Variants in AGBL1 observed in about 807,000 individuals in gnomAD.
The protein encoded by AGBL1 is AGBL carboxypeptidase 1, also known as cytosolic carboxypeptidase 4.
In AGBL1, 130 loss-of-function variants were observed where a neutral mutation model predicts 118.9. The observed-to-expected ratio is 1.09, with a 90% confidence interval of 0.95 to 1.26. The LOEUF (loss-of-function observed/expected upper bound fraction) is 1.26. AGBL1 is among the 50% of genes most tolerant of loss of function. AGBL1 has a pLI of 0.00. For synonymous variants in AGBL1, 555 were observed against 478.9 expected (o/e 1.16, Z -2.08); for missense variants, 1,584 against 1,298.1 (o/e 1.22, Z -3.38).
At chr15:86,614,755 A>G (rs2084699220) in intron 21 of AGBL1, among the ~76,000 whole-genome samples, 1 of 152,182 alleles carries the variant, frequency 6.6e-6, no homozygotes, top group South Asian at 2.1e-4. Flanking sequence ...TAAGTGCTCA[A>G]AAGATATTTT....
chr15:86,509,977 G>A lies in AGBL1; in HGVS notation c.2556-12833G>A, dbSNP rs956167192. ...TTTTTTTTTTCCTGATTTCTTCTGT[G>A]GCACTGAGTGCTATCCATTTTCTCC... On this transcript the variant is annotated intron_variant, in intron 18 of 22. Coordinates refer to ENST00000614907, the MANE Select transcript of AGBL1 (RefSeq NM_001386094.1). Among the ~76,000 whole-genome samples, 21 of 131,580 alleles carry A rather than the reference G, an allele frequency of 1.6e-4. 1 individual carries two copies. Among genetic ancestry groups the A allele is most frequent in the Admixed American group, 1.5e-3 (19 of 12,722 alleles). 86.3% of individuals were successfully genotyped at this position (131,580 alleles called of 152,430 possible). A position where few individuals can be genotyped will look rare whatever the true frequency, so the allele number is the denominator to read the frequency against.
At chr15:86,387,438 T>A (rs1353110021) in intron 17 of AGBL1, among the ~76,000 whole-genome samples, 1 of 152,130 alleles carries the variant, frequency 6.6e-6, no homozygotes, top group Non-Finnish European at 1.5e-5. Flanking sequence ...AGACTTAGGT[T>A]TTCGTTTTCA....
At chr15:86,933,162 A>G (rs2080625314) in intron 23 of AGBL1, among the ~76,000 whole-genome samples, 2 of 152,196 alleles carry the variant, frequency 1.3e-5, no homozygotes, top group Non-Finnish European at 2.9e-5. Context: ...AAGATTATGG[A>G]AGTGAGAGAA....
At chr15:86,261,164 A>C (rs966623347) in intron 9 of AGBL1, among the ~76,000 whole-genome samples, 1 of 152,224 alleles carries the variant, frequency 6.6e-6, no homozygotes, top group African/African-American at 2.4e-5. Flanking sequence ...GGAATGAATT[A>C]GGTTGCAGCT....
intron 17 of AGBL1, among the ~76,000 whole-genome samples, chr15:86,319,969 C>A (rs766030823): frequency 6.6e-6 from 1 of 151,858 alleles, no homozygotes; most frequent in Non-Finnish European, 1.5e-5. Context: ...ATTGGTCAGG[C>A]TGGTCTCAAA....
At chr15:86,086,207 C>T (rs528462978) in intron 1 of AGBL1, 4 of 152,216 alleles carry the variant, frequency 2.6e-5, no homozygotes, top group African/African-American at 9.6e-5. Flanking sequence ...CAGTTCCAGC[C>T]CTGGGAGATG....
chr15:86,871,932 C>A (rs765752394), intron 22 of AGBL1, among the ~76,000 whole-genome samples: 2 of 152,222 alleles, frequency 1.3e-5, no homozygotes, highest in Admixed American at 6.5e-5. Flanking sequence ...AATACAGTTA[C>A]ATTTAGAAAA....
At chr15:86,290,343 C>CTTTTTTTTT (rs559169172) in intron 16 of AGBL1, among the ~76,000 whole-genome samples, 123 of 134,244 alleles carry the variant, frequency 9.2e-4, no homozygotes, top group Non-Finnish European at 1.0e-3. Context: ...TCTTTTCTTT[C>CTTTTTTTTT]TTTTTTTTTT....
At chr15:86,966,914 A>G (rs938178422) in intron 23 of AGBL1, among the ~76,000 whole-genome samples, 3 of 152,052 alleles carry the variant, frequency 2.0e-5, no homozygotes, top group African/African-American at 7.2e-5. Flanking sequence ...GACTTCCACA[A>G]TGGTTGAACT....
chr15:86,987,780 A>G (rs11630354), intron 23 of AGBL1, among the ~76,000 whole-genome samples: 16,146 of 152,138 alleles, frequency 0.11, 1,004 homozygotes, highest in East Asian at 0.14. Context: ...CATATATTTT[A>G]CCATACATTA....
chr15:86,144,225 T>C (rs1198780988), intron 3 of AGBL1, among the ~76,000 whole-genome samples: 3 of 152,218 alleles, frequency 2.0e-5, no homozygotes, highest in Non-Finnish European at 2.9e-5. Flanking sequence ...GGTGGGAGTA[T>C]AAGTTAGTTC....
chr15:86,632,507 G>A (rs930148449), intron 21 of AGBL1, among the ~76,000 whole-genome samples: 2 of 152,080 alleles, frequency 1.3e-5, no homozygotes, highest in African/African-American at 2.4e-5. Flanking sequence ...GAGAAAGGAG[G>A]GGAGTTTTGT....
intron 22 of AGBL1, among the ~76,000 whole-genome samples, chr15:86,742,647 G>A (rs1365107807): frequency 1.3e-5 from 2 of 152,080 alleles, no homozygotes; most frequent in African/African-American, 4.8e-5. Flanking sequence ...CTTTCCCAAG[G>A]ATTTGCCCAT....
chr15:86,505,250 T>G (rs920063206), intron 18 of AGBL1, among the ~76,000 whole-genome samples: 2 of 151,952 alleles, frequency 1.3e-5, no homozygotes. Flanking sequence ...TTATCTTTCT[T>G]GGAGTTTGAT....
chr15:86,687,745 A>C (rs775293121), intron 22 of AGBL1, among the ~76,000 whole-genome samples: 1 of 152,164 alleles, frequency 6.6e-6, no homozygotes, highest in African/African-American at 2.4e-5. Context: ...CAAAGTGTAC[A>C]TAATGATTAC....
rs182926051 is a variant in AGBL1 at position 86,088,921 on chromosome 15, G to T, written c.51+8898G>T. 3.3e-5 allele frequency among the ~76,000 whole-genome samples: 5 copies of T among 152,148 alleles called. No homozygotes were observed. In the East Asian group the frequency reaches 9.7e-4, roughly 29 times the overall value. On this transcript the variant is annotated intron_variant, in intron 1 of 22. Transcript: ENST00000614907. Reference sequence around the variant, plus strand: ...TCCTTTTCTTCTTCCATCATGGTTGGAATCTTATCTGTCTTGCTTACTCTT... The same window carrying T: ...TCCTTTTCTTCTTCCATCATGGTTGTAATCTTATCTGTCTTGCTTACTCTT...
rs374125498 is a variant in AGBL1 at position 86,279,632 on chromosome 15, T to C, written c.2076-7T>C. The C allele has an allele frequency of 6.2e-7, 1 of 1,612,678 alleles. No homozygotes were observed. The highest frequency in any genetic ancestry group is 8.5e-7 in the Non-Finnish European group (1 of 1,178,884). ...TATTCTCTTCTCTTCTCCTCCTCTC[T>C]CTTTAGAAATCATTATCGCCAGAGT... On this transcript the variant is annotated splice_region_variant and splice_polypyrimidine_tract_variant and intron_variant, in intron 15 of 22. Coordinates refer to ENST00000614907, the MANE Select transcript of AGBL1 (RefSeq NM_001386094.1).
chr15:86,202,418 T>C (rs1481484744), intron 5 of AGBL1, among the ~76,000 whole-genome samples: 1 of 152,190 alleles, frequency 6.6e-6, no homozygotes, highest in Non-Finnish European at 1.5e-5. Context: ...TGTAAGAATA[T>C]CCTTGTGCTA....
intron 5 of AGBL1, among the ~76,000 whole-genome samples, chr15:86,176,437 C>T (rs2077482646): frequency 6.6e-6 from 1 of 152,142 alleles, no homozygotes; most frequent in African/African-American, 2.4e-5. Flanking sequence ...GCAGCAGCCC[C>T]AGTCAGGTGG....
Sources: allele counts gnomAD v4.1 joint callset (sites outside exome capture counted in the v4.1 genomes callset), GRCh38; gene constraint gnomAD v4.1.1; transcripts MANE v1.5; gene names NCBI Gene and HGNC (gene_info 2026-07-23, HGNC 2026-07-21).